The following PRKCA variants were observed in gnomAD, a reference collection of about 807,000 sequenced individuals.
The protein encoded by PRKCA is protein kinase C alpha.
A neutral mutation model predicts 87.0 loss-of-function variants in PRKCA; 27 were observed. That is an observed-to-expected ratio of 0.31 (90% CI 0.23 to 0.43). The LOEUF (loss-of-function observed/expected upper bound fraction) is 0.43, where lower values mean the gene tolerates loss of function less well. PRKCA is among the 20% of genes least tolerant of loss of function. PRKCA has a pLI of 1.00. For missense variants in PRKCA, 518 were observed against 852.3 expected (o/e 0.61, Z 4.88); for synonymous variants, 329 against 311.1 (o/e 1.06, Z -0.61).
intron 3 of PRKCA, among the ~76,000 whole-genome samples, chr17:66,512,607 G>A (rs377207729): frequency 4.7e-4 from 71 of 152,008 alleles, no homozygotes; most frequent in African/African-American, 9.9e-4. Context: ...TGCCCTGGGC[G>A]GTTCCTCTTT....
intron 5 of PRKCA, among the ~76,000 whole-genome samples, chr17:66,658,412 A>G (rs1482664056): frequency 2.0e-5 from 3 of 152,136 alleles, no homozygotes; most frequent in African/African-American, 7.2e-5. Flanking sequence ...GCTTGAACCC[A>G]GGAGGCAGAG....
At chr17:66,563,716 C>T (rs1022546607) in intron 3 of PRKCA, among the ~76,000 whole-genome samples, 3 of 152,184 alleles carry the variant, frequency 2.0e-5, no homozygotes, top group Non-Finnish European at 4.4e-5. Flanking sequence ...ACTGTGCTGA[C>T]CTGTGTGGTT....
chr17:66,797,163 C>T (rs1975688755), intron 16 of PRKCA, among the ~76,000 whole-genome samples: 1 of 152,152 alleles, frequency 6.6e-6, no homozygotes, highest in African/African-American at 2.4e-5. Flanking sequence ...GAATCAGCCA[C>T]GAAGCCAACT....
intron 3 of PRKCA, among the ~76,000 whole-genome samples, chr17:66,506,843 C>T (rs530615724): frequency 6.6e-6 from 1 of 152,054 alleles, no homozygotes; most frequent in Admixed American, 6.5e-5. Flanking sequence ...TTTTTCTGAC[C>T]GATCCAAGTG....
chr17:66,543,907 A>G (rs1243336415), intron 3 of PRKCA, among the ~76,000 whole-genome samples: 3 of 152,194 alleles, frequency 2.0e-5, no homozygotes, highest in Non-Finnish European at 2.9e-5. Context: ...AGGCCCCATA[A>G]TTGTACAGAA....
At chr17:66,539,475 C>T (rs892759231) in intron 3 of PRKCA, among the ~76,000 whole-genome samples, 1 of 151,264 alleles carries the variant, frequency 6.6e-6, no homozygotes, top group Non-Finnish European at 1.5e-5. Context: ...GTGATCTCGG[C>T]TCACTGCAAG....
chr17:66,713,067 T>TTTTTTTTTTTTTTTG (rs1403247186), intron 8 of PRKCA, among the ~76,000 whole-genome samples: 3 of 145,580 alleles, frequency 2.1e-5, no homozygotes. Context: ...TTTTTTTTTT[T>TTTTTTTTTTTTTTTG]TTGAGATGGA....
intron 2 of PRKCA, among the ~76,000 whole-genome samples, chr17:66,370,555 T>C (rs1352781524): frequency 7.1e-6 from 1 of 140,948 alleles, no homozygotes; most frequent in East Asian, 2.0e-4. Context: ...TTTTCTTTTT[T>C]TTTTTTTTTT....
intron 3 of PRKCA, among the ~76,000 whole-genome samples, chr17:66,502,089 A>G (rs958723223): frequency 3.3e-5 from 5 of 152,244 alleles, no homozygotes; most frequent in Middle Eastern, 3.4e-3. Context: ...AAGAGTTTCT[A>G]TTCATTTTCG....
At chr17:66,627,948 A>G (rs541764645) in intron 3 of PRKCA, among the ~76,000 whole-genome samples, 89 of 152,344 alleles carry the variant, frequency 5.8e-4, no homozygotes, top group African/African-American at 2.1e-3. Context: ...CTCAGCTATC[A>G]ATTTGTGGAG....
intron 2 of PRKCA, among the ~76,000 whole-genome samples, chr17:66,405,059 G>A (rs557293982): frequency 3.3e-5 from 5 of 152,050 alleles, no homozygotes; most frequent in African/African-American, 1.2e-4. Flanking sequence ...CAAGAGAGGG[G>A]TAGGCCTTTT....
At chr17:66,492,203 G>A (rs996263691) in intron 2 of PRKCA, among the ~76,000 whole-genome samples, 4 of 152,142 alleles carry the variant, frequency 2.6e-5, no homozygotes, top group East Asian at 1.9e-4. Context: ...GGAAGCTTTC[G>A]TGTAAGGTAG....
In PRKCA at chr17:66,559,053, A is replaced by G. The variant is rs181932181; in HGVS notation, c.288+62770A>G. On this transcript the variant is annotated intron_variant, in intron 3 of 16. Transcript: ENST00000413366. ...AGGCTGTGGCTTCCCTCTGGGCTCA[A>G]GTGGAACTGTTTGGACAGTACACAT... is the stretch of plus-strand genomic sequence containing the variant. 6.4e-3 allele frequency among the ~76,000 whole-genome samples: 971 copies of G among 152,288 alleles called. 33 individuals carry two copies. The highest frequency in any genetic ancestry group is 0.056 in the Admixed American group (849 of 15,286).
intron 3 of PRKCA, among the ~76,000 whole-genome samples, chr17:66,531,158 A>G (rs1380302557): frequency 6.6e-6 from 1 of 152,184 alleles, no homozygotes; most frequent in Non-Finnish European, 1.5e-5. Context: ...GGCTTCAGGA[A>G]AGCCTTCTAT....
At chr17:66,372,125 C>T (rs1909149361) in intron 2 of PRKCA, among the ~76,000 whole-genome samples, 1 of 152,120 alleles carries the variant, frequency 6.6e-6, no homozygotes, top group African/African-American at 2.4e-5. Context: ...GTGGGGACTT[C>T]ATTTAAAAAT....
chr17:66,315,502 C>T (rs144251314), intron 2 of PRKCA, among the ~76,000 whole-genome samples: 410 of 145,430 alleles, frequency 2.8e-3, no homozygotes, highest in Non-Finnish European at 3.7e-3. Flanking sequence ...TTTTCTGAGA[C>T]GGAGTCTTGC....
At chr17:66,335,961 C>T (rs1446127594) in intron 2 of PRKCA, among the ~76,000 whole-genome samples, 1 of 152,174 alleles carries the variant, frequency 6.6e-6, no homozygotes, top group Non-Finnish European at 1.5e-5. Flanking sequence ...AAGCACACTT[C>T]CACCAGCAGT....
At chr17:66,450,021 GT>G (rs549989665) in intron 2 of PRKCA, among the ~76,000 whole-genome samples, 2 of 147,550 alleles carry the variant, frequency 1.4e-5, no homozygotes, top group Admixed American at 6.8e-5. Context: ...TTTTGTTTTT[GT>G]TTTTTTTTTA....
intron 8 of PRKCA, among the ~76,000 whole-genome samples, chr17:66,696,100 C>G (rs1972913618): frequency 6.6e-6 from 1 of 152,212 alleles, no homozygotes; most frequent in South Asian, 2.1e-4. Context: ...CAGGGGGAAT[C>G]ATGGCAAACA....
Sources: gnomAD v4.1 joint callset for allele counts (sites outside exome capture counted in the v4.1 genomes callset) on GRCh38, gnomAD v4.1.1 for gene constraint, MANE v1.5 for transcripts, NCBI Gene and HGNC (gene_info 2026-07-23, HGNC 2026-07-21) for gene names.